SHB: variants seen among roughly 807,000 people sequenced by gnomAD.
SHB encodes SH2 domain-containing adapter protein B.
In SHB, 20 loss-of-function variants were observed where a neutral mutation model predicts 52.3. The ratio of observed to expected loss-of-function variants is 0.38; its 90% CI spans 0.27 to 0.56. The LOEUF is 0.56. Among genes scored for constraint, SHB ranks in the 20% least tolerant of loss-of-function variants. The pLI is 0.71. For synonymous variants in SHB, 397 were observed against 316.5 expected (o/e 1.25, Z -2.70); for missense variants, 825 against 723.3 (o/e 1.14, Z -1.61).
intron 3 of SHB, among the ~76,000 whole-genome samples, chr9:37,969,452 T>C (rs1012063788): frequency 2.0e-5 from 3 of 152,300 alleles, no homozygotes; most frequent in Non-Finnish European, 4.4e-5. Flanking sequence ...CTAGCAACAA[T>C]GCCAGTACTT....
At chr9:37,924,745 C>G (rs1323671464) in intron 5 of SHB, among the ~76,000 whole-genome samples, 1 of 152,218 alleles carries the variant, frequency 6.6e-6, no homozygotes, top group East Asian at 1.9e-4. Context: ...CATATTATCT[C>G]ATTTAAACTG....
intron 2 of SHB, among the ~76,000 whole-genome samples, chr9:37,982,418 A>AG (rs985004504): frequency 6.6e-6 from 1 of 151,984 alleles, no homozygotes; most frequent in Non-Finnish European, 1.5e-5. Context: ...GCTTGTACCC[A>AG]GGGGGCGGAG....
chr9:38,007,285 C>T (rs1489703241), intron 2 of SHB, among the ~76,000 whole-genome samples: 3 of 152,244 alleles, frequency 2.0e-5, no homozygotes, highest in African/African-American at 7.2e-5. Flanking sequence ...TCCATACAGA[C>T]TTGCATTCCT....
At chr9:38,014,155 C>T (rs1182534222) in intron 2 of SHB, among the ~76,000 whole-genome samples, 1 of 151,904 alleles carries the variant, frequency 6.6e-6, no homozygotes, top group South Asian at 2.1e-4. Context: ...TCTCTGTCCC[C>T]CCCGCCCCAA....
intron 2 of SHB, among the ~76,000 whole-genome samples, chr9:37,978,447 G>A (rs971182045): frequency 6.6e-6 from 1 of 152,234 alleles, no homozygotes; most frequent in Admixed American, 6.5e-5. Context: ...ATTATGGCAT[G>A]TTAACTGGAT....
intron 3 of SHB, among the ~76,000 whole-genome samples, chr9:37,962,748 G>C (rs1303565564): frequency 6.6e-6 from 1 of 151,968 alleles, no homozygotes; most frequent in African/African-American, 2.4e-5. Flanking sequence ...CTAGCCTCAA[G>C]TGATCCTCCT....
chr9:37,936,168 A>G (rs746265531), intron 5 of SHB, among the ~76,000 whole-genome samples: 30 of 152,206 alleles, frequency 2.0e-4, no homozygotes, highest in Non-Finnish European at 3.7e-4. Flanking sequence ...GTGAGCCGAG[A>G]TAGCGCCATT....
chr9:38,046,001 C>T (rs1006377440), intron 1 of SHB, among the ~76,000 whole-genome samples: 3 of 151,948 alleles, frequency 2.0e-5, no homozygotes, highest in Non-Finnish European at 2.9e-5. Context: ...CAGAGGAGGG[C>T]GGATCACCTG....
At position 38,036,571 on chromosome 9, in the gene SHB, C is replaced by T. The variant is rs905967129; in HGVS notation, c.718-20440G>A. The stretch of plus-strand genomic sequence containing the variant: ...TGGCCACTGGCGGCGATGATCTCAA[C>T]GTCTACAGAGCAAATGAGCTCCGAA... On this transcript the variant is annotated intron_variant, in intron 1 of 5. Coordinates refer to ENST00000377707, the MANE Select transcript of SHB (RefSeq NM_003028.3). 5.3e-5 allele frequency among the ~76,000 whole-genome samples: 8 copies of T among 152,274 alleles called. No individual in the cohort carries two copies. In the East Asian group the frequency reaches 9.7e-4, roughly 18 times the overall value.
chr9:37,950,562 G>T (rs1303949202), intron 4 of SHB, among the ~76,000 whole-genome samples: 1 of 152,172 alleles, frequency 6.6e-6, no homozygotes, highest in African/African-American at 2.4e-5. Flanking sequence ...AGTGGAGGGG[G>T]TGAGACTCAG....
chr9:37,933,952 G>A lies in SHB; in HGVS notation c.1347-13948C>T, dbSNP rs190538298. ...ACCCGGGCTACTCTTTTCCAGCTGT[G>A]CCCCTGGGGCAGAATTTCCTGTCCT... On this transcript the variant is annotated intron_variant, in intron 5 of 5. Coordinates refer to ENST00000377707, the MANE Select transcript of SHB (RefSeq NM_003028.3). 1.5e-3 allele frequency among the ~76,000 whole-genome samples: 223 copies of A among 152,330 alleles called. 1 individual carries two copies. The highest frequency in any genetic ancestry group is 2.6e-3 in the Non-Finnish European group (175 of 68,036).
At chr9:37,972,378 G>A (rs7037039) in intron 3 of SHB, among the ~76,000 whole-genome samples, 86,564 of 151,562 alleles carry the variant, frequency 0.57, 25,088 homozygotes, top group East Asian at 0.77. Context: ...AATGCACAGG[G>A]GAGACCTGGG....
At chr9:38,038,355 C>T (rs781277819) in intron 1 of SHB, among the ~76,000 whole-genome samples, 2 of 152,160 alleles carry the variant, frequency 1.3e-5, no homozygotes, top group Non-Finnish European at 2.9e-5. Context: ...CTGCACTTTG[C>T]GGTTCATAAA....
rs765235635 is a variant in SHB, at chr9:38,068,010, C to T, written c.636G>A (p.Pro212=). 2 of 1,524,122 alleles carry T rather than the reference C, an allele frequency of 1.3e-6. No homozygotes were observed. The highest frequency in any genetic ancestry group is 2.0e-4 in the Middle Eastern group (1 of 5,070). The allele number at this position is 1,524,122 out of a possible 1,614,324, so 94.4% of individuals were successfully genotyped here. ...GCAGTTTCTTGCCTCCGCAGGCCGT[C>T]GGGCTCCAGGTGCGGCCGCCCGCGC... The part of the protein sequence containing the change: ...GACAGGRTWS[P]TACGGKKLLN... Residue 212 remains proline, a synonymous_variant, in exon 1 of 6, where the codon CCG becomes CCA. Coordinates refer to ENST00000377707, the MANE Select transcript of SHB (RefSeq NM_003028.3).
Position 37,919,867 on chromosome 9 carries a change from G to C in SHB, c.1484C>G (p.Ala495Gly), listed in dbSNP as rs1431668137. The change falls in exon 6 of 6, where the codon GCT (alanine) becomes GGT (glycine). Residue 495 changes from alanine to glycine, a missense_variant. Coordinates refer to ENST00000377707, the MANE Select transcript of SHB (RefSeq NM_003028.3). Reference sequence around the variant, plus strand: ...GGGATAGAGGAGGGACAAGTGCTCAGCCCCTTTGATGGGTAGCTTTCTGGT... The same window carrying C: ...GGGATAGAGGAGGGACAAGTGCTCACCCCCTTTGATGGGTAGCTTTCTGGT... ...YTTRKLPIKG[A>G]EHLSLLYPVA... 6.2e-7 allele frequency: 1 copy of C among 1,614,148 alleles called. No individual in the cohort carries two copies. The highest frequency in any genetic ancestry group is 2.2e-5 in the East Asian group (1 of 44,882).
intron 1 of SHB, among the ~76,000 whole-genome samples, chr9:38,018,241 G>T (rs1307659488): frequency 6.6e-6 from 1 of 152,142 alleles, no homozygotes; most frequent in Non-Finnish European, 1.5e-5. Flanking sequence ...TCTGTAATTT[G>T]CAAACACAGA....
At chr9:38,039,604 G>C (rs1439415132) in intron 1 of SHB, among the ~76,000 whole-genome samples, 1 of 152,248 alleles carries the variant, frequency 6.6e-6, no homozygotes, top group Admixed American at 6.5e-5. Context: ...ACAAAGCCAC[G>C]ACAAGGTCCC....
intron 2 of SHB, among the ~76,000 whole-genome samples, chr9:37,982,973 G>GCCCCCCCC (rs58267859): frequency 2.1e-5 from 3 of 145,206 alleles, no homozygotes; most frequent in African/African-American, 7.9e-5. Context: ...CCTCTCTGGT[G>GCCCCCCCC]CCCCCCCCTC....
At chr9:38,025,634 C>A (rs1263710165) in intron 1 of SHB, among the ~76,000 whole-genome samples, 2 of 152,188 alleles carry the variant, frequency 1.3e-5, no homozygotes, top group Non-Finnish European at 2.9e-5. Context: ...CTGCTCTCAC[C>A]CTCCTCATCT....
Sources: allele counts gnomAD v4.1 joint callset (sites outside exome capture counted in the v4.1 genomes callset), GRCh38; gene constraint gnomAD v4.1.1; transcripts MANE v1.5; gene names NCBI Gene and HGNC (gene_info 2026-07-23, HGNC 2026-07-21).